RIF1: variants seen among roughly 807,000 people sequenced by gnomAD.
RIF1 encodes the protein replication timing regulatory factor 1.
In RIF1, 45 loss-of-function variants were observed where a neutral mutation model predicts 247.1. The ratio of observed to expected loss-of-function variants is 0.18; its 90% CI spans 0.14 to 0.23. The LOEUF (loss-of-function observed/expected upper bound fraction) is 0.23. Among genes scored for constraint, RIF1 ranks in the 10% least tolerant of loss-of-function variants. The probability of loss-of-function intolerance (pLI) is 1.00; values close to 1 mark genes in which losing one functional copy is unlikely to be tolerated. For synonymous variants in RIF1, 1,087 were observed against 978.8 expected (o/e 1.11, Z -2.06); for missense variants, 2,967 against 2,862.5 (o/e 1.04, Z -0.83).
intron 21 of RIF1, among the ~76,000 whole-genome samples, chr2:151,454,557 T>C (rs1338612318): frequency 2.0e-5 from 3 of 152,206 alleles, no homozygotes; most frequent in Non-Finnish European, 4.4e-5. Flanking sequence ...TTTGGTACTT[T>C]CTTGCATATT....
downstream of RIF1, among the ~76,000 whole-genome samples, chr2:151,511,562 C>A (rs2074358259): frequency 6.6e-6 from 1 of 152,158 alleles, no homozygotes; most frequent in South Asian, 2.1e-4. Flanking sequence ...CCCCAGGTGC[C>A]TATAAAGCAC....
intron 10 of RIF1, chr2:151,496,200 T>C: frequency 7.2e-7 from 1 of 1,385,254 alleles, no homozygotes; most frequent in South Asian, 1.3e-5. Flanking sequence ...AAAAGTAGGA[T>C]TAATATGTAT....
chr2:151,468,072 A>G lies in RIF1; in HGVS notation c.6673A>G (p.Ile2225Val), dbSNP rs139821427. ...AGATGACATTGATAGACGGTGCTCT[A>G]TTGTTAGGTCCCATTCTTCCAATAG... is the stretch of plus-strand genomic sequence containing the variant. ...LADDIDRRCS[I>V]VRSHSSNSSP... is the part of the protein sequence containing the mutation. Residue 2225 changes from isoleucine to valine, a missense_variant, in exon 31 of 36, where the codon ATT becomes GTT. Coordinates refer to ENST00000444746, the MANE Select transcript of RIF1 (RefSeq NM_018151.5). 3 of 1,613,690 alleles carry G rather than the reference A, an allele frequency of 1.9e-6. No individual in the cohort carries two copies. In the African/African-American group the frequency reaches 4.0e-5, roughly 22 times the overall value.
intron 30 of RIF1, among the ~76,000 whole-genome samples, chr2:151,467,040 C>G (rs1333931122): frequency 6.6e-6 from 1 of 151,936 alleles, no homozygotes; most frequent in African/African-American, 2.4e-5. Flanking sequence ...ACCAGCCTGA[C>G]CAACATGGAG....
At chr2:151,442,889 A>G (rs1001551515) in intron 16 of RIF1, among the ~76,000 whole-genome samples, 6 of 147,960 alleles carry the variant, frequency 4.1e-5, no homozygotes, top group Middle Eastern at 3.6e-3. Flanking sequence ...CTCCTGCCTC[A>G]GTCTCCCGAG....
At chr2:151,510,021 G>GT, downstream of RIF1, among the ~76,000 whole-genome samples, 1 of 152,330 alleles carries the variant, frequency 6.6e-6, no homozygotes, top group Admixed American at 6.5e-5. Flanking sequence ...ATGTCTTTGT[G>GT]TAAGTGTTCA....
At chr2:151,523,651 T>A in the RIF1 span, among the ~76,000 whole-genome samples, 1 of 152,208 alleles carries the variant, frequency 6.6e-6, no homozygotes, top group African/African-American at 2.4e-5. Flanking sequence ...ATAATTGGCC[T>A]AACAAGGGAA....
chr2:151,442,304 C>T (rs1256613089), intron 16 of RIF1, among the ~76,000 whole-genome samples: 1 of 151,148 alleles, frequency 6.6e-6, no homozygotes, highest in Non-Finnish European at 1.5e-5. Context: ...GAACTCCTAA[C>T]CTCGGGTGAT....
intron 1 of RIF1, 105 bp downstream of exon 1, chr2:151,410,138 C>T: frequency 1.5e-6 from 1 of 677,492 alleles, no homozygotes; most frequent in Non-Finnish European, 2.7e-6. Context: ...GCTTCTCCCG[C>T]CCTCCGCCGA....
At chr2:151,438,536 T>C (rs760238386) in intron 13 of RIF1, 148 bp from the exon 14 acceptor site, 22 of 606,106 alleles carry the variant, frequency 3.6e-5, no homozygotes, top group Non-Finnish European at 6.0e-5. Flanking sequence ...TTTATAAACT[T>C]ACTACAGGGT....
chr2:151,436,890 G>T lies in RIF1; in HGVS notation c.1259G>T (p.Gly420Val). The T allele has an allele frequency of 6.2e-7, 1 of 1,613,686 alleles. No individual in the cohort carries two copies. Among genetic ancestry groups the T allele is most frequent in the Non-Finnish European group, 8.5e-7 (1 of 1,179,786 alleles). ...ATGAACCTGAGTTCGAATTTAGGTG[G>T]AATGGCCACAATCCCATCCATTCAA... The part of the protein sequence containing the change: ...PRMNLSSNLG[G>V]MATIPSIQLL... The change falls in exon 12 of 36, where the codon GGA (glycine) becomes GTA (valine). Residue 420 changes from glycine (G) to valine (V), a missense_variant. Physicochemically the swap from Gly to Val is moderately radical, Grantham distance 109. Around this residue, in one of 7 missense-constraint regions of RIF1, gnomAD observed 369 missense variants for 322.0 expected, o/e 1.15. Coordinates refer to ENST00000444746, the MANE Select transcript of RIF1 (RefSeq NM_018151.5).
chr2:151,421,171 A>G lies in RIF1; in HGVS notation c.693+792A>G, dbSNP rs1336200170. Among the ~76,000 whole-genome samples, 3 of 152,226 alleles carry G rather than the reference A, an allele frequency of 2.0e-5. No homozygotes were observed. The East Asian group carries it at 5.8e-4, about 29-fold the overall frequency. ...AGGCGCTGTGAATATAGCAGTGAAC[A>G]AAAGAGGCTTGATGGAGCTTATTTT... On this transcript the variant is annotated intron_variant, in intron 7 of 35. Transcript: ENST00000444746.
intron 33 of RIF1, among the ~76,000 whole-genome samples, chr2:151,469,150 C>T (rs1697412738): frequency 6.6e-6 from 1 of 152,128 alleles, no homozygotes. Flanking sequence ...TGTTCATCAG[C>T]TGTTTTGTTT....
In RIF1 at chr2:151,480,228, G is replaced by C. The variant is rs2049111515; in HGVS notation, c.*5157G>C. 6.6e-6 allele frequency: 1 copy of C among 152,144 alleles called. No homozygotes were observed. Among genetic ancestry groups the C allele is most frequent in the East Asian group, 1.9e-4 (1 of 5,202 alleles). The allele number at this position is 152,144 out of a possible 1,614,324, so 9.4% of individuals were successfully genotyped here. On this transcript the variant is annotated 3_prime_UTR_variant, in exon 36 of 36. Transcript: ENST00000444746. Reference sequence around the variant, plus strand: ...ATATTTTCCATTGTTGATGTCACAAGTAAGAAAAAAACTCTAACTTTTGTA... The same window carrying C: ...ATATTTTCCATTGTTGATGTCACAACTAAGAAAAAAACTCTAACTTTTGTA...
chr2:151,449,968 A>C (rs1433494564), intron 20 of RIF1, among the ~76,000 whole-genome samples: 1 of 150,938 alleles, frequency 6.6e-6, no homozygotes, highest in East Asian at 1.9e-4. Flanking sequence ...TAGCCTCCCT[A>C]GTAGCTGGGA....
At chr2:151,519,793 A>G in the RIF1 span, 1 of 1,459,298 alleles carries the variant, frequency 6.9e-7, no homozygotes, top group African/African-American at 1.4e-5. Context: ...AAACATCCAA[A>G]TTATTCCTGG....
At chr2:151,533,599 G>T in the RIF1 span, 1 of 1,138,596 alleles carries the variant, frequency 8.8e-7, no homozygotes, top group African/African-American at 1.5e-5. Context: ...AGACAGAAAA[G>T]AACACGGCTC....
At chr2:151,514,368 C>T in the RIF1 span, 2 of 1,613,884 alleles carry the variant, frequency 1.2e-6, no homozygotes, top group East Asian at 4.5e-5. Context: ...TCAGGTGTAT[C>T]TTCCATTTCA....
At position 151,420,260 on chromosome 2, in the gene RIF1, G is replaced by T; in HGVS notation, c.574G>T (p.Val192Leu). ...VRWAKLVIPLVVHSAQKVHLR... is the reference protein window; with the variant it reads ...VRWAKLVIPLLVHSAQKVHLR... ...GTGGGCAAAACTGGTCATACCTTTAGTGGTTCATTCAGCACAAAAGGTACA... is the reference window on the plus strand; with the variant it reads ...GTGGGCAAAACTGGTCATACCTTTATTGGTTCATTCAGCACAAAAGGTACA... Residue 192 changes from valine (V) to leucine (L), a missense_variant, in exon 7 of 36, where the codon GTG becomes TTG. Physicochemically the swap from Val to Leu is conservative, Grantham distance 32. Transcript: ENST00000444746. The T allele has an allele frequency of 6.2e-7, 1 of 1,614,174 alleles. No homozygotes were observed. The highest frequency in any genetic ancestry group is 1.1e-5 in the South Asian group (1 of 91,088).
Sources: gnomAD v4.1 joint callset for allele counts (sites outside exome capture counted in the v4.1 genomes callset) on GRCh38, gnomAD v4.1.1 for gene constraint, gnomAD v4.1.1 regional missense constraint, MANE v1.5 for transcripts, NCBI Gene and HGNC (gene_info 2026-07-23, HGNC 2026-07-21) for gene names.